The following NSG2 variants were observed in gnomAD, a reference collection of about 807,000 sequenced individuals.
NSG2 encodes the protein neuronal vesicle trafficking associated 2, also known as neuronal vesicle trafficking-associated protein 2.
In NSG2, 4 loss-of-function variants were observed where a neutral mutation model predicts 16.9. The ratio of observed to expected loss-of-function variants is 0.24; its 90% CI spans 0.12 to 0.54. The LOEUF is 0.54. Ranked by LOEUF, NSG2 falls within the 20% of genes least tolerant of loss-of-function variation. The probability of loss-of-function intolerance (pLI) is 0.95; values close to 1 mark genes in which losing one functional copy is unlikely to be tolerated. For missense variants in NSG2, 179 were observed against 221.1 expected (o/e 0.81, Z 1.21); for synonymous variants, 98 against 88.7 (o/e 1.11, Z -0.59).
chr5:174,066,106 G>C lies in NSG2; in HGVS notation c.213+1791G>C, dbSNP rs141269766. 2,996 of 438,684 alleles carry C rather than the reference G, an allele frequency of 6.8e-3. 25 individuals are homozygous for C. The highest frequency in any genetic ancestry group is 9.9e-3 in the Middle Eastern group (29 of 2,932). 27.2% of individuals were successfully genotyped at this position (438,684 alleles called of 1,614,324 possible). A position where few individuals can be genotyped will look rare whatever the true frequency, so the allele number is the denominator to read the frequency against. On this transcript the variant is annotated intron_variant, in intron 3 of 4. Transcript: ENST00000303177. ...CGTATGTGGCCCAGGGGAGGAGTGT[G>C]GTCCCTCTGTGTGCATTCCCTGGAA...
At chr5:174,064,527 T>C in intron 3 of NSG2, 2 of 389,806 alleles carry the variant, frequency 5.1e-6, no homozygotes, top group Admixed American at 4.3e-5. Flanking sequence ...TCGTGTACTC[T>C]GGAATGTTCT....
At chr5:174,098,496 G>A (rs1044750069) in intron 3 of NSG2, among the ~76,000 whole-genome samples, 1 of 152,126 alleles carries the variant, frequency 6.6e-6, no homozygotes, top group Admixed American at 6.5e-5. Context: ...GGAACCTCGA[G>A]CTCCTCTTCC....
intron 4 of NSG2, among the ~76,000 whole-genome samples, chr5:174,105,712 C>G (rs1760969540): frequency 6.6e-6 from 1 of 152,210 alleles, no homozygotes; most frequent in Non-Finnish European, 1.5e-5. Flanking sequence ...ACCATCCTGA[C>G]CAACGTGGAG....
At chr5:174,079,655 A>G (rs1263481598) in intron 3 of NSG2, among the ~76,000 whole-genome samples, 1 of 151,976 alleles carries the variant, frequency 6.6e-6, no homozygotes, top group African/African-American at 2.4e-5. Context: ...ATCTGGCTGG[A>G]CCATTTGTTC....
rs1270899523 is a variant in NSG2 at position 174,058,756 on chromosome 5, C to T, written c.130-5476C>T. Among the ~76,000 whole-genome samples, 7 of 152,230 alleles carry T rather than the reference C, an allele frequency of 4.6e-5. No homozygotes were observed. In the South Asian group the frequency reaches 1.0e-3, roughly 23 times the overall value. On this transcript the variant is annotated intron_variant, in intron 2 of 4. Transcript: ENST00000303177. ...GCACTGTCCATTTGTTCCAGGCAAA[C>T]AGGCCAAGACCTTTTGAAATGGAGA...
intron 3 of NSG2, among the ~76,000 whole-genome samples, chr5:174,100,246 A>G (rs1467846044): frequency 6.6e-6 from 1 of 152,262 alleles, no homozygotes; most frequent in Non-Finnish European, 1.5e-5. Context: ...AGCAAGTGTC[A>G]GCACACAGGA....
chr5:174,064,196 C>T (rs924367056), intron 2 of NSG2, 36 bp from the exon 3 acceptor site: 4 of 1,416,400 alleles, frequency 2.8e-6, no homozygotes, highest in Middle Eastern at 1.8e-4. Context: ...TGTTTCAAGT[C>T]TCCATGCATG....
intron 3 of NSG2, among the ~76,000 whole-genome samples, chr5:174,087,629 A>AT (rs1347208500): frequency 6.7e-6 from 1 of 149,942 alleles, no homozygotes; most frequent in Non-Finnish European, 1.5e-5. Flanking sequence ...AAAAATAATA[A>AT]AAAAAAAATA....
Position 174,074,640 on chromosome 5 carries a change from G to A in NSG2, c.213+10325G>A, listed in dbSNP as rs78094065. Among the ~76,000 whole-genome samples, 1,498 of 152,076 alleles carry A rather than the reference G, an allele frequency of 9.9e-3. 35 individuals carry two copies. The highest frequency in any genetic ancestry group is 0.034 in the African/African-American group (1,394 of 41,456). On this transcript the variant is annotated intron_variant, in intron 3 of 4. Coordinates refer to ENST00000303177, the MANE Select transcript of NSG2 (RefSeq NM_015980.5). ...GGCTGCAGTGTGATGTCCTTAGTAC[G>A]GCACTGCAGGCTCTTCCAAAGGTGG... is the stretch of plus-strand genomic sequence containing the variant.
At chr5:174,080,529 C>CTCTCTCTCTCTCTCTCTCTCTCTCTT (rs1760438549) in intron 3 of NSG2, among the ~76,000 whole-genome samples, 1 of 102,796 alleles carries the variant, frequency 9.7e-6, no homozygotes. Flanking sequence ...CTTTCTTTCT[C>CTCTCTCTCTCTCTCTCTCTCTCTCTT]TCTCTCTCTC....
rs17076801 is a variant in NSG2, at chr5:174,061,458, G to A, written c.130-2774G>A. Among the ~76,000 whole-genome samples, 851 of 152,250 alleles carry A rather than the reference G, an allele frequency of 5.6e-3. 6 individuals are homozygous for A. Among genetic ancestry groups the A allele is most frequent in the African/African-American group, 0.02 (818 of 41,542 alleles). On this transcript the variant is annotated intron_variant, in intron 2 of 4. Coordinates refer to ENST00000303177, the MANE Select transcript of NSG2 (RefSeq NM_015980.5). The stretch of plus-strand genomic sequence containing the variant: ...ACATCAGCTTCCGACTCTCGTATTC[G>A]CATTGCAGTTCACATGCCAGCAAAG...
At chr5:174,088,450 C>A (rs1760668195) in intron 3 of NSG2, among the ~76,000 whole-genome samples, 1 of 152,168 alleles carries the variant, frequency 6.6e-6, no homozygotes. Context: ...CCAAATAGAC[C>A]AACAGAAACA....
chr5:174,085,976 T>G (rs1760609585), intron 3 of NSG2, among the ~76,000 whole-genome samples: 1 of 152,214 alleles, frequency 6.6e-6, no homozygotes, highest in Non-Finnish European at 1.5e-5. Flanking sequence ...GGATGCTCAA[T>G]GAATATTAGG....
At chr5:174,054,384 A>G (rs980600346) in intron 2 of NSG2, among the ~76,000 whole-genome samples, 1 of 152,142 alleles carries the variant, frequency 6.6e-6, no homozygotes, top group South Asian at 2.1e-4. Context: ...AATTTTATTC[A>G]TCTGTTTTTA....
intron 3 of NSG2, among the ~76,000 whole-genome samples, chr5:174,097,030 C>T (rs1475131969): frequency 1.3e-5 from 2 of 152,162 alleles, no homozygotes; most frequent in Non-Finnish European, 2.9e-5. Flanking sequence ...AATTCTACTT[C>T]GTATGATTGT....
intron 3 of NSG2, among the ~76,000 whole-genome samples, chr5:174,065,166 A>G (rs1047619763): frequency 1.3e-5 from 2 of 152,106 alleles, no homozygotes; most frequent in Non-Finnish European, 2.9e-5. Flanking sequence ...ACCTCTACTA[A>G]AAATACAAAA....
In NSG2 at chr5:174,099,037, G is replaced by C. The variant is rs193038889; in HGVS notation, c.214-5191G>C. Among the ~76,000 whole-genome samples, 13 of 152,290 alleles carry C rather than the reference G, an allele frequency of 8.5e-5. No homozygotes were observed. The East Asian group carries it at 2.3e-3, about 27-fold the overall frequency. Reference sequence around the variant, plus strand: ...ATGTTCAGAGGTGCTTTGTGGGGAGGTGGGAGTTTCTCTCCCCGACCCTCT... The same window carrying C: ...ATGTTCAGAGGTGCTTTGTGGGGAGCTGGGAGTTTCTCTCCCCGACCCTCT... On this transcript the variant is annotated intron_variant, in intron 3 of 4. Transcript: ENST00000303177.
In NSG2 at chr5:174,091,451, G is replaced by A. The variant is rs558063425; in HGVS notation, c.214-12777G>A. ...CTGCTAGGGCAGGCTGATGTGTTAC[G>A]TGGCTGTGATAGCACATGTGATGTG... is the stretch of plus-strand genomic sequence containing the variant. On this transcript the variant is annotated intron_variant, in intron 3 of 4. Transcript: ENST00000303177. The A allele has an allele frequency of 2.4e-3, 365 of 152,694 alleles. 2 individuals carry two copies. Among genetic ancestry groups the A allele is most frequent in the Middle Eastern group, 6.8e-3 (2 of 296 alleles). 9.5% of individuals were successfully genotyped at this position (152,694 alleles called of 1,614,324 possible).
At chr5:174,048,301 A>G (rs890853256) in intron 2 of NSG2, among the ~76,000 whole-genome samples, 2 of 152,222 alleles carry the variant, frequency 1.3e-5, no homozygotes, top group African/African-American at 4.8e-5. Flanking sequence ...ATGACCCAGA[A>G]CAATTGTATC....
Sources: gnomAD v4.1 joint callset for allele counts (sites outside exome capture counted in the v4.1 genomes callset) on GRCh38, gnomAD v4.1.1 for gene constraint, MANE v1.5 for transcripts, NCBI Gene and HGNC (gene_info 2026-07-23, HGNC 2026-07-21) for gene names.